TNIP3: variants seen among roughly 807,000 people sequenced by gnomAD.
The protein encoded by TNIP3 is TNFAIP3 interacting protein 3.
A neutral mutation model predicts 54.1 loss-of-function variants in TNIP3; 34 were observed. The observed-to-expected ratio is 0.63, with a 90% confidence interval of 0.48 to 0.84. The LOEUF (loss-of-function observed/expected upper bound fraction) is 0.84. Ranked by LOEUF, TNIP3 falls within the 40% of genes least tolerant of loss-of-function variation. The probability of loss-of-function intolerance (pLI) is 0.00; values close to 1 mark genes in which losing one functional copy is unlikely to be tolerated. For missense variants in TNIP3, 366 were observed against 387.6 expected (o/e 0.94, Z 0.47); for synonymous variants, 134 against 136.8 (o/e 0.98, Z 0.14).
In TNIP3 at chr4:121,170,854, C is replaced by T. The variant is rs368531656; in HGVS notation, c.190-6708G>A. 1.1e-4 allele frequency among the ~76,000 whole-genome samples: 17 copies of T among 151,908 alleles called. No homozygotes were observed. In the East Asian group the frequency reaches 1.7e-3, roughly 16 times the overall value. ...TTTTAAAGAAGGAATCTTGCTCTGT[C>T]GCTCAAGCTGGAGTGCAGTAGCATG... On this transcript the variant is annotated intron_variant, in intron 3 of 12. Coordinates refer to the TNIP3 transcript ENST00000507879.
chr4:121,205,637 G>T (rs1282586541), intron 2 of TNIP3, among the ~76,000 whole-genome samples: 1 of 152,094 alleles, frequency 6.6e-6, no homozygotes, highest in Non-Finnish European at 1.5e-5. Flanking sequence ...TGGACAGAAT[G>T]GTAGTGAGGG....
At chr4:121,218,966 G>A (rs548234886), upstream of TNIP3, among the ~76,000 whole-genome samples, 7 of 152,316 alleles carry the variant, frequency 4.6e-5, no homozygotes, top group South Asian at 4.1e-4. Context: ...TTGGGAGGCC[G>A]AGGCAGGTGG....
At chr4:121,187,268 G>A (rs1386444732) in intron 2 of TNIP3, among the ~76,000 whole-genome samples, 2 of 152,184 alleles carry the variant, frequency 1.3e-5, no homozygotes, top group Admixed American at 6.5e-5. Flanking sequence ...CATTAGTTCT[G>A]TGGGTACATA....
At chr4:121,198,802 A>T (rs1303623578) in intron 2 of TNIP3, among the ~76,000 whole-genome samples, 1 of 152,232 alleles carries the variant, frequency 6.6e-6, no homozygotes, top group Non-Finnish European at 1.5e-5. Flanking sequence ...TAACAAAATC[A>T]TGGAATACGT....
chr4:121,149,892 C>G (rs1443276352), intron 6 of TNIP3, among the ~76,000 whole-genome samples: 1 of 152,212 alleles, frequency 6.6e-6, no homozygotes, highest in African/African-American at 2.4e-5. Flanking sequence ...TTTAATCTGT[C>G]TGAAACTCAG....
chr4:121,210,757 A>G (rs999917662), intron 2 of TNIP3, among the ~76,000 whole-genome samples: 1 of 152,060 alleles, frequency 6.6e-6, no homozygotes, highest in Admixed American at 6.6e-5. Flanking sequence ...CACTAATCCT[A>G]TTGTACCAGA....
chr4:121,140,928 C>T (rs1260332470), intron 9 of TNIP3, among the ~76,000 whole-genome samples: 3 of 152,146 alleles, frequency 2.0e-5, no homozygotes, highest in Non-Finnish European at 4.4e-5. Flanking sequence ...ATTATCTCCT[C>T]CCTTGGGAAA....
chr4:121,205,675 G>C (rs1183634376), intron 2 of TNIP3, among the ~76,000 whole-genome samples: 1 of 152,102 alleles, frequency 6.6e-6, no homozygotes, highest in Non-Finnish European at 1.5e-5. Flanking sequence ...GGGATTCTGG[G>C]CATAATTTGA....
chr4:121,215,880 T>TAA (rs70948385), intron 2 of TNIP3, among the ~76,000 whole-genome samples: 62 of 133,856 alleles, frequency 4.6e-4, no homozygotes, highest in Non-Finnish European at 6.5e-4. Context: ...GGTGCCACAT[T>TAA]AAAAAAAAAA....
rs769225364 is a variant in TNIP3 at position 121,142,711 on chromosome 4, A to C, written c.786+15T>G. Reference sequence around the variant, plus strand: ...CATGGGAATAAATGTATGCGTGAAAATTAGATCAACATACCTGTTTTAATT... The same window carrying C: ...CATGGGAATAAATGTATGCGTGAAACTTAGATCAACATACCTGTTTTAATT... On this transcript the variant is annotated intron_variant, in intron 8 of 10. Transcript: ENST00000057513. The C allele has an allele frequency of 2.2e-5, 35 of 1,605,622 alleles. No individual in the cohort carries two copies. The highest frequency in any genetic ancestry group is 2.6e-5 in the Non-Finnish European group (31 of 1,172,918).
At chr4:121,162,273 G>A (rs6821331) in intron 1 of TNIP3, among the ~76,000 whole-genome samples, 42,618 of 152,022 alleles carry the variant, frequency 0.28, 6,716 homozygotes, top group African/African-American at 0.43. Flanking sequence ...TTATGTTTCA[G>A]CATTTTAGGG....
chr4:121,163,740 G>A (rs1370948484), intron 1 of TNIP3, among the ~76,000 whole-genome samples: 1 of 151,934 alleles, frequency 6.6e-6, no homozygotes, highest in East Asian at 1.9e-4. Flanking sequence ...ATACTCTATT[G>A]TTACAATATG....
chr4:121,169,866 C>T (rs1469010263), intron 3 of TNIP3, among the ~76,000 whole-genome samples: 2 of 152,190 alleles, frequency 1.3e-5, no homozygotes, highest in Non-Finnish European at 2.9e-5. Context: ...TGCTTCTATG[C>T]GATATAGCGA....
intron 2 of TNIP3, among the ~76,000 whole-genome samples, chr4:121,209,970 A>G (rs2148846373): frequency 6.6e-6 from 1 of 152,334 alleles, no homozygotes; most frequent in African/African-American, 2.4e-5. Flanking sequence ...AGAGAAAATT[A>G]TTAAAATTTG....
At chr4:121,149,884 T>G (rs1409499838) in intron 6 of TNIP3, among the ~76,000 whole-genome samples, 1 of 152,220 alleles carries the variant, frequency 6.6e-6, no homozygotes, top group Non-Finnish European at 1.5e-5. Context: ...GGTAAGCATT[T>G]AATCTGTCTG....
chr4:121,205,400 A>G (rs1012695014), intron 2 of TNIP3, among the ~76,000 whole-genome samples: 6 of 152,244 alleles, frequency 3.9e-5, no homozygotes, highest in African/African-American at 1.4e-4. Flanking sequence ...ATTAAACCAG[A>G]AAGGTAAAAG....
intron 3 of TNIP3, chr4:121,182,663 G>A: frequency 6.5e-7 from 1 of 1,533,684 alleles, no homozygotes; most frequent in Non-Finnish European, 8.7e-7. Context: ...GGAGAAAAAA[G>A]GTGTTTTCTT....
Position 121,205,781 on chromosome 4 carries a change from C to T in TNIP3, c.68+10634G>A, listed in dbSNP as rs569928333. On this transcript the variant is annotated intron_variant, in intron 2 of 12. Transcript: ENST00000507879. ...AGAAACTGGAAATAATAAAGTTGCCCTTTATTGAGACAGTGTATTAGTCTG... is the reference window on the plus strand; with the variant it reads ...AGAAACTGGAAATAATAAAGTTGCCTTTTATTGAGACAGTGTATTAGTCTG... Among the ~76,000 whole-genome samples the T allele has an allele frequency of 2.0e-5, 3 of 152,154 alleles. No individual in the cohort carries two copies. In the South Asian group the frequency reaches 6.2e-4, roughly 32 times the overall value.
At chr4:121,227,193 A>C (rs183839874) in intron 1 of TNIP3, among the ~76,000 whole-genome samples, 1 of 152,206 alleles carries the variant, frequency 6.6e-6, no homozygotes, top group Non-Finnish European at 1.5e-5. Flanking sequence ...CATTTACAAC[A>C]AGTTCTATCT....
Sources: allele counts gnomAD v4.1 joint callset (sites outside exome capture counted in the v4.1 genomes callset), GRCh38; gene constraint gnomAD v4.1.1; transcripts MANE v1.5; gene names NCBI Gene and HGNC (gene_info 2026-07-23, HGNC 2026-07-21).